Variants in TACC2 observed in about 807,000 individuals in gnomAD.
TACC2 encodes transforming acidic coiled-coil-containing protein 2.
A neutral mutation model predicts 227.3 loss-of-function variants in TACC2; 137 were observed. That is an observed-to-expected ratio of 0.60 (90% CI 0.52 to 0.69). The LOEUF is 0.69. Ranked by LOEUF, TACC2 falls within the 30% of genes least tolerant of loss-of-function variation. TACC2 has a pLI of 0.00. For missense variants in TACC2, 3,470 were observed against 3,694.4 expected (o/e 0.94, Z 1.57); for synonymous variants, 1,523 against 1,487.5 (o/e 1.02, Z -0.55).
rs758324126 is a variant in TACC2, at chr10:122,211,221, G to A, written c.6796G>A (p.Glu2266Lys). 1.1e-5 allele frequency: 18 copies of A among 1,614,096 alleles called. No homozygotes were observed. In the South Asian group the frequency reaches 2.0e-4, roughly 18 times the overall value. Residue 2266 changes from glutamate (E) to lysine (K), a missense_variant, in exon 9 of 23, where the codon GAG (glutamate) becomes AAG (lysine). Around this residue, in one of 10 missense-constraint regions of TACC2, gnomAD observed 593 missense variants for 636.6 expected, o/e 0.93. Coordinates refer to ENST00000369005, the MANE Select transcript of TACC2 (RefSeq NM_206862.4). ...AGCCAAAGGGCTCTCCGTAAGGCTG[G>A]AGTTTGACTATTCTGAGGACAAGAG... ...SPAKGLSVRL[E>K]FDYSEDKSSW... is the part of the protein sequence containing the mutation.
At chr10:122,112,741 T>C (rs947178052) in intron 5 of TACC2, among the ~76,000 whole-genome samples, 5 of 152,174 alleles carry the variant, frequency 3.3e-5, no homozygotes, top group South Asian at 4.1e-4. Context: ...CAGTAACAAG[T>C]TGTCATGACT....
At chr10:122,142,464 C>T (rs949031047) in intron 6 of TACC2, among the ~76,000 whole-genome samples, 3 of 152,238 alleles carry the variant, frequency 2.0e-5, no homozygotes, top group East Asian at 3.8e-4. Context: ...AAGACTGAGT[C>T]CTCTGTCCAG....
intron 7 of TACC2, among the ~76,000 whole-genome samples, chr10:122,164,334 C>T (rs914512765): frequency 2.0e-5 from 3 of 152,174 alleles, no homozygotes; most frequent in Non-Finnish European, 2.9e-5. Context: ...CGACTGCCTC[C>T]TCCTAGGAAG....
At chr10:122,236,610 A>C (rs764311688) in intron 16 of TACC2, among the ~76,000 whole-genome samples, 3 of 152,200 alleles carry the variant, frequency 2.0e-5, no homozygotes, top group Non-Finnish European at 4.4e-5. Flanking sequence ...CACCTGTGGG[A>C]GGCCAGTATC....
At chr10:122,104,951 AC>A (rs2082582860) in intron 5 of TACC2, among the ~76,000 whole-genome samples, 2 of 152,208 alleles carry the variant, frequency 1.3e-5, no homozygotes, top group African/African-American at 4.8e-5. Flanking sequence ...AAGCATAAGA[AC>A]CATGTTGCAT....
intron 7 of TACC2, among the ~76,000 whole-genome samples, chr10:122,187,559 T>C (rs2094249003): frequency 6.6e-6 from 1 of 152,108 alleles, no homozygotes; most frequent in African/African-American, 2.4e-5. Flanking sequence ...GGTGTGACCT[T>C]GGCTCACTGC....
chr10:121,994,448 G>A (rs1450254553), intron 1 of TACC2, among the ~76,000 whole-genome samples: 1 of 152,198 alleles, frequency 6.6e-6, no homozygotes. Context: ...GCACCTGCAG[G>A]CTCCCTGCTC....
At chr10:122,164,809 GAGA>G (rs2093053333) in intron 7 of TACC2, among the ~76,000 whole-genome samples, 1 of 152,198 alleles carries the variant, frequency 6.6e-6, no homozygotes, top group Non-Finnish European at 1.5e-5. Flanking sequence ...CTTTTCCAGA[GAGA>G]AGACTATGTT....
At chr10:122,064,825 T>G (rs1036162820) in intron 3 of TACC2, among the ~76,000 whole-genome samples, 2 of 152,198 alleles carry the variant, frequency 1.3e-5, no homozygotes, top group African/African-American at 4.8e-5. Context: ...TTTTTATTGG[T>G]ATCAGATACA....
intron 1 of TACC2, among the ~76,000 whole-genome samples, chr10:122,006,570 A>G (rs1163499804): frequency 6.6e-6 from 1 of 152,120 alleles, no homozygotes; most frequent in East Asian, 1.9e-4. Flanking sequence ...TTTGAAATCT[A>G]ATAGTTTCAC....
chr10:122,220,615 C>T (rs775604578), intron 11 of TACC2, among the ~76,000 whole-genome samples: 14 of 152,162 alleles, frequency 9.2e-5, no homozygotes, highest in South Asian at 2.1e-4. Flanking sequence ...CCGTGTGGGG[C>T]GGGGCCCCAG....
At chr10:122,186,847 C>T (rs936305632) in intron 7 of TACC2, among the ~76,000 whole-genome samples, 1 of 152,202 alleles carries the variant, frequency 6.6e-6, no homozygotes, top group Non-Finnish European at 1.5e-5. Context: ...TTAAGTTAAT[C>T]AAGGAGTTTA....
rs1208559524 is a variant in TACC2, at chr10:122,210,794, C to A, written c.6369C>A (p.Thr2123=). ...CGGGTTCCAGCAGTGCTTCTAGTACCCTTAAGCGAACTAAAAAACCGAGGC... is the reference window on the plus strand; with the variant it reads ...CGGGTTCCAGCAGTGCTTCTAGTACACTTAAGCGAACTAAAAAACCGAGGC... ...YSTGSSSASS[T]LKRTKKPRPP... is the part of the protein sequence containing the mutation. The change falls in exon 9 of 23, where the codon ACC becomes ACA. Residue 2123 remains threonine (T), a synonymous_variant. Transcript: ENST00000369005. The surrounding 1 kb of genome is among the most constrained non-coding windows in gnomAD (Gnocchi z 4.6). The A allele has an allele frequency of 1.2e-6, 2 of 1,613,108 alleles. No individual in the cohort carries two copies. The highest frequency in any genetic ancestry group is 1.7e-6 in the Non-Finnish European group (2 of 1,179,880).
At chr10:122,100,185 ACTTGGGAGGCGGAG>A (rs1172778443) in intron 5 of TACC2, among the ~76,000 whole-genome samples, 1 of 151,618 alleles carries the variant, frequency 6.6e-6, no homozygotes, top group East Asian at 2.0e-4. Context: ...AATCGTTTGA[ACTTGGGAGGCGGAG>A]CTTGCAGTGA....
chr10:122,088,792 T>C, intron 5 of TACC2: 1 of 1,496,434 alleles, frequency 6.7e-7, no homozygotes, highest in East Asian at 2.5e-5. Context: ...AGGGATTGAA[T>C]GAGTTGCTTT....
chr10:122,066,130 T>C (rs190775998), intron 3 of TACC2, among the ~76,000 whole-genome samples: 8 of 151,686 alleles, frequency 5.3e-5, no homozygotes, highest in Admixed American at 5.3e-4. Flanking sequence ...AGGGTCTCAC[T>C]CTATCACCCA....
rs144201659 is a variant in TACC2 at position 122,149,343 on chromosome 10, G to A, written c.5834+5637G>A. On this transcript the variant is annotated intron_variant, in intron 7 of 22. Coordinates refer to ENST00000369005, the MANE Select transcript of TACC2 (RefSeq NM_206862.4). ...ACGCGGGAGAAACGGGATGGGAGAA[G>A]CAGCTGAGCTTCTTGCAGGGAGGAG... Among the ~76,000 whole-genome samples, 212 of 152,352 alleles carry A rather than the reference G, an allele frequency of 1.4e-3. 1 individual carries two copies. The highest frequency in any genetic ancestry group is 4.9e-3 in the African/African-American group (203 of 41,584).
chr10:122,129,173 T>C (rs4132333), intron 5 of TACC2, among the ~76,000 whole-genome samples: 118,304 of 151,346 alleles, frequency 0.78, 47,599 homozygotes, highest in Non-Finnish European at 0.88. Context: ...CTCCAACTCC[T>C]GGGTTCAAGC....
intron 7 of TACC2, among the ~76,000 whole-genome samples, chr10:122,156,392 T>C (rs999636144): frequency 6.8e-6 from 1 of 147,550 alleles, no homozygotes; most frequent in African/African-American, 2.5e-5. Context: ...CCCGGCTAAT[T>C]TTTTTGTATT....
Sources: gnomAD v4.1 joint callset for allele counts (sites outside exome capture counted in the v4.1 genomes callset) on GRCh38, gnomAD v4.1.1 for gene constraint, gnomAD v4.1.1 regional missense constraint, Gnocchi (gnomAD v3.1) non-coding constraint, MANE v1.5 for transcripts, NCBI Gene and HGNC (gene_info 2026-07-23, HGNC 2026-07-21) for gene names.